The following DLG2 variants were observed in gnomAD, a reference collection of about 807,000 sequenced individuals.
DLG2 encodes the protein discs large MAGUK scaffold protein 2.
DLG2 carries 45 observed loss-of-function variants against 132.5 expected under a neutral mutation model. The observed-to-expected ratio is 0.34, with a 90% CI of 0.27 to 0.44. The LOEUF is 0.44. DLG2 is among the 20% of genes least tolerant of loss of function. The pLI, the probability that DLG2 is intolerant of heterozygous loss-of-function variation, is 1.00. For synonymous variants in DLG2, 424 were observed against 419.6 expected (o/e 1.01, Z -0.13); for missense variants, 1,045 against 1,196.9 (o/e 0.87, Z 1.87).
At chr11:85,486,227 G>A (rs571446842) in intron 3 of DLG2, among the ~76,000 whole-genome samples, 1 of 152,202 alleles carries the variant, frequency 6.6e-6, no homozygotes, top group East Asian at 1.9e-4. Flanking sequence ...ATGACCCCTA[G>A]AAAAGTTCCC....
At chr11:84,425,599 A>C (rs940000804) in intron 7 of DLG2, among the ~76,000 whole-genome samples, 2 of 152,176 alleles carry the variant, frequency 1.3e-5, no homozygotes, top group Non-Finnish European at 1.5e-5. Context: ...ATGATATTCA[A>C]AATGTTATAC....
chr11:84,548,747 A>C (rs559510031), intron 6 of DLG2, among the ~76,000 whole-genome samples: 1 of 151,988 alleles, frequency 6.6e-6, no homozygotes, highest in Non-Finnish European at 1.5e-5. Flanking sequence ...ACATACGGAG[A>C]CCACACTAAG....
At chr11:83,991,400 T>A (rs1241078515) in intron 11 of DLG2, among the ~76,000 whole-genome samples, 1 of 152,200 alleles carries the variant, frequency 6.6e-6, no homozygotes, top group East Asian at 1.9e-4. Flanking sequence ...CTTTAATACC[T>A]ATTTTATTCT....
intron 18 of DLG2, among the ~76,000 whole-genome samples, chr11:83,760,762 T>A (rs1403638195): frequency 6.6e-6 from 1 of 152,162 alleles, no homozygotes; most frequent in African/African-American, 2.4e-5. Context: ...GTCCCTTCTT[T>A]CCATTTCCAC....
chr11:85,508,093 G>C (rs1220691956), intron 3 of DLG2, among the ~76,000 whole-genome samples: 1 of 152,026 alleles, frequency 6.6e-6, no homozygotes, highest in East Asian at 1.9e-4. Context: ...GTTTATTCTA[G>C]TTAGCCATTC....
At chr11:84,573,784 C>T (rs1204056310) in intron 6 of DLG2, among the ~76,000 whole-genome samples, 55 of 152,136 alleles carry the variant, frequency 3.6e-4, no homozygotes, top group Admixed American at 3.5e-3. Flanking sequence ...TATGACACTG[C>T]CCATTTCTCC....
At chr11:85,241,247 C>G (rs1282627826) in intron 4 of DLG2, among the ~76,000 whole-genome samples, 2 of 151,514 alleles carry the variant, frequency 1.3e-5, no homozygotes, top group Non-Finnish European at 3.0e-5. Context: ...ATTTTATATC[C>G]AGCTTCCTGT....
chr11:84,251,326 A>C (rs777190557), intron 7 of DLG2, 35 bp from the exon 8 acceptor site: 1 of 1,442,524 alleles, frequency 6.9e-7, no homozygotes, highest in Non-Finnish European at 9.5e-7. Context: ...TTAAATAATG[A>C]ATAGTGTATT....
intron 9 of DLG2, among the ~76,000 whole-genome samples, chr11:84,130,523 CA>C (rs2094375208): frequency 7.3e-6 from 1 of 136,428 alleles, no homozygotes; most frequent in African/African-American, 3.0e-5. Context: ...CACACACACA[CA>C]TATATGTGTG....
At chr11:84,791,744 T>G (rs1324971082) in intron 6 of DLG2, among the ~76,000 whole-genome samples, 1 of 152,218 alleles carries the variant, frequency 6.6e-6, no homozygotes, top group Non-Finnish European at 1.5e-5. Flanking sequence ...TTGTTCAGTG[T>G]TGCCATATAG....
chr11:85,177,588 A>G (rs2079388035), intron 4 of DLG2, among the ~76,000 whole-genome samples: 1 of 152,048 alleles, frequency 6.6e-6, no homozygotes, highest in Non-Finnish European at 1.5e-5. Flanking sequence ...TACCTAGGTG[A>G]TGGGTTGACC....
intron 9 of DLG2, among the ~76,000 whole-genome samples, chr11:84,158,676 A>G (rs952990289): frequency 1.3e-5 from 2 of 152,228 alleles, no homozygotes; most frequent in East Asian, 1.9e-4. Context: ...TAAACATAGC[A>G]AAAGTATAAG....
chr11:85,349,304 T>TGAAAGAAACACC (rs1403282045), intron 3 of DLG2, among the ~76,000 whole-genome samples: 19 of 152,246 alleles, frequency 1.2e-4, no homozygotes, highest in African/African-American at 4.3e-4. Context: ...CAGCAGACTC[T>TGAAAGAAACACC]GAAAGAAACA....
chr11:83,671,986 A>G (rs547851939), intron 18 of DLG2, among the ~76,000 whole-genome samples: 1 of 152,148 alleles, frequency 6.6e-6, no homozygotes, highest in Non-Finnish European at 1.5e-5. Context: ...TTCTTTGCCA[A>G]TTATTTATTG....
At chr11:85,611,199 G>A (rs1400760931) in intron 2 of DLG2, among the ~76,000 whole-genome samples, 1 of 152,192 alleles carries the variant, frequency 6.6e-6, no homozygotes, top group East Asian at 1.9e-4. Context: ...CACTGTTTAA[G>A]GGTAGTTGTG....
intron 6 of DLG2, among the ~76,000 whole-genome samples, chr11:84,714,629 C>G (rs143976980): frequency 9.7e-6 from 1 of 103,604 alleles, no homozygotes; most frequent in African/African-American, 3.9e-5. Flanking sequence ...CTCTTTCTCT[C>G]TCTCTCTCTC....
In DLG2 at chr11:83,908,495, C is replaced by T. The variant is rs533523425; in HGVS notation, c.1496+21833G>A. ...GCATGCACACACACGAGCATATGCACGCATGTACATACACATACACACCTA... is the reference window on the plus strand; with the variant it reads ...GCATGCACACACACGAGCATATGCATGCATGTACATACACATACACACCTA... On this transcript the variant is annotated intron_variant, in intron 15 of 27. Coordinates refer to ENST00000376104, the MANE Select transcript of DLG2 (RefSeq NM_001142699.3). Among the ~76,000 whole-genome samples the T allele has an allele frequency of 7.9e-5, 12 of 152,140 alleles. No homozygotes were observed. In the East Asian group the frequency reaches 9.7e-4, roughly 12 times the overall value.
chr11:85,318,498 G>A (rs1288986026), intron 3 of DLG2, among the ~76,000 whole-genome samples: 2 of 151,782 alleles, frequency 1.3e-5, no homozygotes, highest in Admixed American at 1.3e-4. Context: ...AAGAAACCAG[G>A]CAGCCTTATC....
At chr11:84,370,853 ATAGT>A (rs2098703334) in intron 7 of DLG2, among the ~76,000 whole-genome samples, 1 of 152,186 alleles carries the variant, frequency 6.6e-6, no homozygotes, top group Non-Finnish European at 1.5e-5. Context: ...CTGAATGCTG[ATAGT>A]TAGCACATAC....
Sources: allele counts gnomAD v4.1 joint callset (sites outside exome capture counted in the v4.1 genomes callset), GRCh38; gene constraint gnomAD v4.1.1; transcripts MANE v1.5; gene names NCBI Gene and HGNC (gene_info 2026-07-23, HGNC 2026-07-21).